ZDHHC14: variants seen among roughly 807,000 people sequenced by gnomAD.
The protein encoded by ZDHHC14 is zDHHC palmitoyltransferase 14.
Under a neutral mutation model 47.7 loss-of-function variants are expected in ZDHHC14, and 16 were observed. The observed-to-expected ratio is 0.34, with a 90% CI of 0.23 to 0.51. ZDHHC14 has a LOEUF of 0.51. Ranked by LOEUF, ZDHHC14 falls within the 20% of genes least tolerant of loss-of-function variation. ZDHHC14 has a pLI of 0.97. For missense variants in ZDHHC14, 515 were observed against 662.5 expected, an observed-to-expected ratio of 0.78 and a Z score of 2.44; for synonymous variants, 293 against 278.9, an observed-to-expected ratio of 1.05 and a Z score of -0.50.
intron 1 of ZDHHC14, among the ~76,000 whole-genome samples, chr6:157,392,438 C>T (rs1777435248): frequency 6.6e-6 from 1 of 152,006 alleles, no homozygotes; most frequent in South Asian, 2.1e-4. Flanking sequence ...AATGTGTATA[C>T]AGCCCCCCGT....
intron 1 of ZDHHC14, among the ~76,000 whole-genome samples, chr6:157,492,453 G>A (rs553120502): frequency 6.9e-6 from 1 of 145,190 alleles, no homozygotes; most frequent in Non-Finnish European, 1.5e-5. Context: ...GCGGGAAAGC[G>A]GGAAGGCGGA....
chr6:157,647,022 T>C (rs1362753304), intron 6 of ZDHHC14, among the ~76,000 whole-genome samples: 1 of 152,240 alleles, frequency 6.6e-6, no homozygotes, highest in Admixed American at 6.5e-5. Flanking sequence ...TTTAGTACCA[T>C]GTGGTACAAA....
intron 1 of ZDHHC14, among the ~76,000 whole-genome samples, chr6:157,490,256 T>G (rs759847133): frequency 5.3e-5 from 8 of 152,202 alleles, no homozygotes; most frequent in Non-Finnish European, 1.0e-4. Context: ...GATATAAGCG[T>G]TGTTCATTCA....
intron 1 of ZDHHC14, among the ~76,000 whole-genome samples, chr6:157,496,400 T>C (rs1382220875): frequency 6.6e-6 from 1 of 152,176 alleles, no homozygotes; most frequent in Non-Finnish European, 1.5e-5. Flanking sequence ...TAGGTTGAAT[T>C]CTGTTCCCCA....
chr6:157,510,183 GC>G, intron 1 of ZDHHC14, among the ~76,000 whole-genome samples: 1 of 152,182 alleles, frequency 6.6e-6, no homozygotes, highest in Non-Finnish European at 1.5e-5. Flanking sequence ...GCTGGAAGTT[GC>G]AGTGGGCCCA....
At chr6:157,439,297 G>A (rs558528916) in intron 1 of ZDHHC14, among the ~76,000 whole-genome samples, 5 of 152,216 alleles carry the variant, frequency 3.3e-5, no homozygotes, top group Admixed American at 3.3e-4. Flanking sequence ...AATCTACAAG[G>A]AACGTAAACA....
At chr6:157,476,320 A>G (rs1415269989) in intron 1 of ZDHHC14, among the ~76,000 whole-genome samples, 3 of 152,244 alleles carry the variant, frequency 2.0e-5, no homozygotes, top group Admixed American at 6.5e-5. Context: ...GATATGGGTC[A>G]ATTCCTAGAC....
intron 2 of ZDHHC14, among the ~76,000 whole-genome samples, chr6:157,557,374 G>T (rs1782519744): frequency 6.6e-6 from 1 of 152,176 alleles, no homozygotes; most frequent in African/African-American, 2.4e-5. Context: ...ATTGGTAGGG[G>T]TGCCTGTTCT....
intron 8 of ZDHHC14, among the ~76,000 whole-genome samples, chr6:157,670,648 C>T (rs897840696): frequency 3.9e-5 from 6 of 152,152 alleles, no homozygotes; most frequent in African/African-American, 1.2e-4. Context: ...ACCCTACTCC[C>T]CTCCCCTCCC....
chr6:157,425,971 C>T (rs1583634198), intron 1 of ZDHHC14, among the ~76,000 whole-genome samples: 1 of 152,212 alleles, frequency 6.6e-6, no homozygotes, highest in Non-Finnish European at 1.5e-5. Context: ...TCAATAGGCA[C>T]TTCCTCACAG....
intron 1 of ZDHHC14, among the ~76,000 whole-genome samples, chr6:157,397,753 C>G (rs2114742327): frequency 6.6e-6 from 1 of 152,276 alleles, no homozygotes; most frequent in East Asian, 1.9e-4. Context: ...TTATTGTTCC[C>G]TGTATGAAGC....
chr6:157,460,776 C>T (rs1461921683), intron 1 of ZDHHC14, among the ~76,000 whole-genome samples: 2 of 152,150 alleles, frequency 1.3e-5, no homozygotes, highest in Non-Finnish European at 2.9e-5. Flanking sequence ...AAACATCCCC[C>T]GTTTGCTTAT....
At chr6:157,581,238 A>G (rs1449154636) in intron 2 of ZDHHC14, among the ~76,000 whole-genome samples, 2 of 150,074 alleles carry the variant, frequency 1.3e-5, no homozygotes, top group Non-Finnish European at 3.0e-5. Context: ...GTTTTGAGCA[A>G]TTTTTTTAGT....
intron 5 of ZDHHC14, among the ~76,000 whole-genome samples, chr6:157,637,186 C>T (rs1777029166): frequency 6.6e-6 from 1 of 152,200 alleles, no homozygotes; most frequent in Admixed American, 6.5e-5. Flanking sequence ...TGTCTTTCCT[C>T]TGGACACCTG....
At chr6:157,422,189 G>A (rs759218275) in intron 1 of ZDHHC14, among the ~76,000 whole-genome samples, 6 of 152,190 alleles carry the variant, frequency 3.9e-5, no homozygotes, top group African/African-American at 4.8e-5. Context: ...TCTTAGGTTA[G>A]CTTTATTAAT....
At chr6:157,513,692 T>C (rs1017775900) in intron 1 of ZDHHC14, among the ~76,000 whole-genome samples, 100 of 152,224 alleles carry the variant, frequency 6.6e-4, no homozygotes, top group African/African-American at 2.4e-3. Flanking sequence ...ATTCTGTTAT[T>C]ATGTGTTGAT....
At chr6:157,538,823 G>A (rs1024525794) in intron 1 of ZDHHC14, among the ~76,000 whole-genome samples, 6 of 152,200 alleles carry the variant, frequency 3.9e-5, no homozygotes, top group South Asian at 2.1e-4. Context: ...TGGGAGGTGC[G>A]GGTGTTCCAG....
intron 8 of ZDHHC14, among the ~76,000 whole-genome samples, chr6:157,661,310 T>C (rs562413781): frequency 2.0e-5 from 3 of 152,304 alleles, no homozygotes; most frequent in South Asian, 4.2e-4. Context: ...GTGAATCTGT[T>C]TTGTCAGCTA....
Position 157,586,262 on chromosome 6 carries a change from G to A in ZDHHC14, c.407-6726G>A, listed in dbSNP as rs1783694079. ...AAATAAAACAAGGCAGGCGCAGTGA[G>A]AGCCCAAAGGAGGAAACAAGTAACT... On this transcript the variant is annotated intron_variant, in intron 2 of 8. Coordinates refer to ENST00000359775, the MANE Select transcript of ZDHHC14 (RefSeq NM_024630.3). The surrounding 1 kb of genome is among the most constrained non-coding windows in gnomAD (Gnocchi z 4.6). Among the ~76,000 whole-genome samples, 1 of 152,152 alleles carries A rather than the reference G, an allele frequency of 6.6e-6. No homozygotes were observed. Among genetic ancestry groups the A allele is most frequent in the Admixed American group, 6.5e-5 (1 of 15,280 alleles).
Sources: gnomAD v4.1 joint callset for allele counts (sites outside exome capture counted in the v4.1 genomes callset) on GRCh38, gnomAD v4.1.1 for gene constraint, Gnocchi (gnomAD v3.1) non-coding constraint, MANE v1.5 for transcripts, NCBI Gene and HGNC (gene_info 2026-07-23, HGNC 2026-07-21) for gene names.